Variants in OSBP2 observed in about 807,000 individuals in gnomAD.
OSBP2 encodes oxysterol binding protein 2.
A neutral mutation model predicts 96.0 loss-of-function variants in OSBP2; 66 were observed. The ratio of observed to expected loss-of-function variants is 0.69; its 90% CI spans 0.56 to 0.84. OSBP2 has a LOEUF of 0.84. OSBP2 is among the 40% of genes least tolerant of loss of function. The probability of loss-of-function intolerance (pLI) is 0.00; values close to 1 mark genes in which losing one functional copy is unlikely to be tolerated. For synonymous variants in OSBP2, 525 were observed against 520.9 expected, an observed-to-expected ratio of 1.01 and a Z score of -0.11; for missense variants, 1,038 against 1,222.7, an observed-to-expected ratio of 0.85 and a Z score of 2.25.
chr22:30,837,457 G>C (rs1458158141), intron 2 of OSBP2, among the ~76,000 whole-genome samples: 2 of 152,148 alleles, frequency 1.3e-5, no homozygotes, highest in Non-Finnish European at 2.9e-5. Context: ...CTACCTAGCA[G>C]TGCTGTGCAC....
chr22:30,829,875 CAA>C (rs2038485482), intron 2 of OSBP2, among the ~76,000 whole-genome samples: 1 of 152,140 alleles, frequency 6.6e-6, no homozygotes, highest in South Asian at 2.1e-4. Flanking sequence ...TGCCTCTGGG[CAA>C]AGAGAGGGCT....
intron 2 of OSBP2, among the ~76,000 whole-genome samples, chr22:30,816,885 G>T (rs576210990): frequency 1.4e-4 from 22 of 152,034 alleles, no homozygotes; most frequent in Non-Finnish European, 3.1e-4. Context: ...ACAGGTGTAC[G>T]CACCACACCT....
rs398040482 is a variant in OSBP2, at chr22:30,865,631, C to CAAAAAAA, written c.854-4779_854-4773dup. 3.6e-3 allele frequency among the ~76,000 whole-genome samples: 215 copies of CAAAAAAA among 59,818 alleles called. 9 individuals carry two copies. Among genetic ancestry groups the CAAAAAAA allele is most frequent in the African/African-American group, 5.1e-3 (59 of 11,600 alleles). The allele number at this position is 59,818 out of a possible 152,430, so 39.2% of individuals were successfully genotyped here. ...TGGGTGACAAAGCAAGACTCCATCT[C>CAAAAAAA]AAAAAAAAAAAAAAAAAAAAAAAAA... On this transcript the variant is annotated intron_variant, in intron 2 of 13. Transcript: ENST00000332585.
chr22:30,889,161 C>G lies in OSBP2; in HGVS notation c.1419-16C>G. 1 of 1,611,482 alleles carries G rather than the reference C, an allele frequency of 6.2e-7. No individual in the cohort carries two copies. On this transcript the variant is annotated splice_polypyrimidine_tract_variant and intron_variant, in intron 5 of 13. Coordinates refer to ENST00000332585, the MANE Select transcript of OSBP2 (RefSeq NM_030758.4). Reference sequence around the variant, plus strand: ...CGGGATTCATTAGTAACTTGCCTCCCGCTTTGTATTTCCAGCAGAAAAGCT... The same window carrying G: ...CGGGATTCATTAGTAACTTGCCTCCGGCTTTGTATTTCCAGCAGAAAAGCT...
At chr22:30,841,996 A>G (rs2038762193) in intron 2 of OSBP2, among the ~76,000 whole-genome samples, 1 of 151,620 alleles carries the variant, frequency 6.6e-6, no homozygotes, top group African/African-American at 2.4e-5. Flanking sequence ...CCCAGGCTGG[A>G]GTGCAGTGGA....
intron 12 of OSBP2, 80 bp downstream of exon 12, chr22:30,894,081 C>A (rs1467233505): frequency 1.5e-6 from 2 of 1,322,836 alleles, no homozygotes; most frequent in East Asian, 5.0e-5. Flanking sequence ...CTGACAGGCA[C>A]AGGAGGTCGG....
intron 3 of OSBP2, among the ~76,000 whole-genome samples, chr22:30,878,051 G>T (rs1338119445): frequency 6.6e-6 from 1 of 152,244 alleles, no homozygotes; most frequent in Admixed American, 6.5e-5. Flanking sequence ...CAGGCTGGGG[G>T]CTAAGCAGGG....
intron 2 of OSBP2, among the ~76,000 whole-genome samples, chr22:30,788,470 C>T (rs1000570500): frequency 2.0e-5 from 3 of 152,156 alleles, no homozygotes; most frequent in African/African-American, 7.2e-5. Context: ...AGCTCTGGGG[C>T]AGCTGACAGA....
At chr22:30,767,001 G>A (rs998487697) in intron 2 of OSBP2, among the ~76,000 whole-genome samples, 2 of 151,834 alleles carry the variant, frequency 1.3e-5, no homozygotes, top group African/African-American at 4.8e-5. Flanking sequence ...ATTGACAGAG[G>A]TGCAGGTAAA....
At chr22:30,815,912 T>C (rs571661827) in intron 2 of OSBP2, among the ~76,000 whole-genome samples, 3 of 152,356 alleles carry the variant, frequency 2.0e-5, no homozygotes, top group Non-Finnish European at 4.4e-5. Flanking sequence ...TAAATATCTT[T>C]GTACAGAAAG....
chr22:30,856,693 C>G (rs1471518658), intron 2 of OSBP2, among the ~76,000 whole-genome samples: 2 of 151,816 alleles, frequency 1.3e-5, no homozygotes, highest in Non-Finnish European at 2.9e-5. Context: ...AGCCAAGAGC[C>G]CTTCATTTTT....
At chr22:30,834,184 C>T (rs975605092) in intron 2 of OSBP2, among the ~76,000 whole-genome samples, 6 of 151,984 alleles carry the variant, frequency 3.9e-5, no homozygotes, top group Non-Finnish European at 7.4e-5. Context: ...CAACTTTATT[C>T]ATTTTTACTG....
chr22:30,715,732 T>C (rs1232667503), intron 1 of OSBP2, among the ~76,000 whole-genome samples: 1 of 151,820 alleles, frequency 6.6e-6, no homozygotes, highest in Non-Finnish European at 1.5e-5. Flanking sequence ...ATTTTTTGTG[T>C]TTTTAGTAGA....
chr22:30,822,145 C>T (rs2038286878), intron 2 of OSBP2, among the ~76,000 whole-genome samples: 1 of 152,220 alleles, frequency 6.6e-6, no homozygotes, highest in East Asian at 1.9e-4. Context: ...GAGGTGACCC[C>T]GATTTCCTGG....
intron 9 of OSBP2, 99 bp from the exon 10 acceptor site, chr22:30,893,364 C>G (rs1218661925): frequency 6.5e-7 from 1 of 1,533,714 alleles, no homozygotes; most frequent in Non-Finnish European, 9.0e-7. Flanking sequence ...CCTGCCTCTT[C>G]AACCCCCCAG....
chr22:30,748,720 A>G (rs58467547), intron 2 of OSBP2, among the ~76,000 whole-genome samples: 2 of 152,164 alleles, frequency 1.3e-5, no homozygotes, highest in Non-Finnish European at 2.9e-5. Context: ...AATCAAGGCA[A>G]GTCACAGAGT....
chr22:30,853,474 TA>T (rs1475641038), intron 2 of OSBP2, among the ~76,000 whole-genome samples: 9 of 152,240 alleles, frequency 5.9e-5, no homozygotes, highest in Non-Finnish European at 1.3e-4. Flanking sequence ...TGTATCATTA[TA>T]TTTAAAGTGT....
chr22:30,782,848 G>C (rs1461679097), intron 2 of OSBP2, among the ~76,000 whole-genome samples: 2 of 152,124 alleles, frequency 1.3e-5, no homozygotes, highest in Non-Finnish European at 2.9e-5. Flanking sequence ...CATCATCTTC[G>C]AAAGTGATTA....
chr22:30,715,051 T>A (rs867121263), intron 1 of OSBP2, among the ~76,000 whole-genome samples: 2 of 151,876 alleles, frequency 1.3e-5, no homozygotes, highest in East Asian at 3.8e-4. Flanking sequence ...ACTGAAAATG[T>A]TTCTTTTTTT....
Sources: gnomAD v4.1 joint callset for allele counts (sites outside exome capture counted in the v4.1 genomes callset) on GRCh38, gnomAD v4.1.1 for gene constraint, MANE v1.5 for transcripts, NCBI Gene and HGNC (gene_info 2026-07-23, HGNC 2026-07-21) for gene names.